The following ZNF582 variants were observed in gnomAD, a reference collection of about 807,000 sequenced individuals.
The protein encoded by ZNF582 is zinc finger protein 582.
In ZNF582, 14 loss-of-function variants were observed where a neutral mutation model predicts 12.3. The observed-to-expected ratio is 1.14, with a 90% CI of 0.75 to 1.78. The LOEUF (loss-of-function observed/expected upper bound fraction) is 1.78. Among genes scored for constraint, ZNF582 ranks in the 40% most tolerant of loss-of-function variants. The probability of loss-of-function intolerance (pLI) is 0.00; values close to 1 mark genes in which losing one functional copy is unlikely to be tolerated. For missense variants in ZNF582, 567 were observed against 616.5 expected (o/e 0.92, Z 0.85); for synonymous variants, 210 against 207.2 (o/e 1.01, Z -0.11).
exon 1 of ZNF582, chr19:56,393,433 A>G (rs776794819): frequency 1.3e-5 from 7 of 544,822 alleles, no homozygotes; most frequent in Non-Finnish European, 1.0e-5. Context: ...AAGCTCCGGA[A>G]CCTCTCACCT....
At chr19:56,383,630 A>G in exon 5 of ZNF582, 1 of 389,128 alleles carries the variant, frequency 2.6e-6, no homozygotes, top group Non-Finnish European at 4.4e-6. Flanking sequence ...TAAAATTACT[A>G]CACTGTGGTT....
At chr19:56,393,308 G>A (rs1370836683) in exon 1 of ZNF582, 1 of 1,207,330 alleles carries the variant, frequency 8.3e-7, no homozygotes, top group Non-Finnish European at 1.1e-6. Context: ...GGGAAATGTA[G>A]TCTCACGCCG....
rs1458910434 is a variant in ZNF582, at chr19:56,391,600, G to A, written c.9+144C>T. ...TAAATCTGTGGGCATTTGTCAGAGG[G>A]GAGAGGACAATGGGAGAGGAGACTC... On this transcript the variant is annotated intron_variant, in intron 2 of 4. Transcript: ENST00000586929. 8.4e-6 allele frequency: 6 copies of A among 713,806 alleles called. No individual in the cohort carries two copies. The African/African-American group carries it at 8.9e-5, about 11-fold the overall frequency. The allele number at this position is 713,806 out of a possible 1,614,324, so 44.2% of individuals were successfully genotyped here. A position where few individuals can be genotyped will look rare whatever the true frequency, so the allele number is the denominator to read the frequency against.
At chr19:56,382,813 T>C (rs1464691943) in exon 5 of ZNF582, 1 of 152,200 alleles carries the variant, frequency 6.6e-6, no homozygotes. Flanking sequence ...AGTTCCAGAA[T>C]TGGCCTAGTA....
chr19:56,384,598 A>G (rs2041948479), exon 5 of ZNF582: 1 of 1,614,032 alleles, frequency 6.2e-7, no homozygotes, highest in Non-Finnish European at 8.5e-7. Context: ...GAGTTCGCTG[A>G]TGTTCAATCA....
At chr19:56,384,872 T>C in exon 5 of ZNF582, 1 of 1,611,330 alleles carries the variant, frequency 6.2e-7, no homozygotes, top group South Asian at 1.1e-5. Flanking sequence ...GAGTTCCTTT[T>C]GCCAGAAGTC....
At chr19:56,387,679 C>A (rs1369136606) in intron 4 of ZNF582, 1 of 152,156 alleles carries the variant, frequency 6.6e-6, no homozygotes, top group Non-Finnish European at 1.5e-5. Context: ...TATACTACAA[C>A]CTCAAACTCC....
At chr19:56,383,938 G>A in exon 5 of ZNF582, 1 of 1,612,476 alleles carries the variant, frequency 6.2e-7, no homozygotes, top group Admixed American at 1.7e-5. Context: ...TGATTAGTAA[G>A]GGGTAACTGC....
chr19:56,384,647 C>T, exon 5 of ZNF582: 1 of 1,614,068 alleles, frequency 6.2e-7, no homozygotes. Flanking sequence ...ACAATCTTTA[C>T]ATTCATACGG....
chr19:56,385,631 C>T (rs932144857), intron 4 of ZNF582, among the ~76,000 whole-genome samples: 1 of 150,376 alleles, frequency 6.6e-6, no homozygotes, highest in South Asian at 2.1e-4. Flanking sequence ...GAGCTATGAT[C>T]ACGCCAATGC....
rs184731451 is a variant in ZNF582 at position 56,385,854 on chromosome 19, A to G, written c.233-670T>C. 2.0e-5 allele frequency among the ~76,000 whole-genome samples: 3 copies of G among 152,308 alleles called. No individual in the cohort carries two copies. The East Asian group carries it at 5.8e-4, about 29-fold the overall frequency. On this transcript the variant is annotated intron_variant, in intron 4 of 4. Transcript: ENST00000586929. ...AAGGGAACTTTTTGGGTTGATGGAA[A>G]TGTTCGCTATCTTGATTGAGGTGAT...
chr19:56,393,314 C>T lies in ZNF582; in HGVS notation c.-175G>A. ...AGGGCCGGCGGGAAATGTAGTCTCACGCCGGTAAAGCCACAGAGCGACGAT... is the reference window on the plus strand; with the variant it reads ...AGGGCCGGCGGGAAATGTAGTCTCATGCCGGTAAAGCCACAGAGCGACGAT... On this transcript the variant is annotated 5_prime_UTR_variant, in exon 1 of 5. The change creates a new upstream start codon in the 5' untranslated region. Transcript: ENST00000586929. 6 of 1,202,730 alleles carry T rather than the reference C, an allele frequency of 5.0e-6. No homozygotes were observed. Among genetic ancestry groups the T allele is most frequent in the Non-Finnish European group, 6.4e-6 (6 of 936,378 alleles). The allele number at this position is 1,202,730 out of a possible 1,614,324, so 74.5% of individuals were successfully genotyped here.
chr19:56,388,704 A>T (rs115511465), intron 4 of ZNF582, among the ~76,000 whole-genome samples: 2 of 151,882 alleles, frequency 1.3e-5, no homozygotes, highest in Non-Finnish European at 2.9e-5. Context: ...TCGATCTCGG[A>T]TCACTGCAAT....
At chr19:56,384,314 T>G (rs867803490) in exon 5 of ZNF582, 1 of 1,613,982 alleles carries the variant, frequency 6.2e-7, no homozygotes, top group Non-Finnish European at 8.5e-7. Context: ...TACTTTGCAC[T>G]CATAGGGTTT....
chr19:56,390,474 T>C, exon 3 of ZNF582: 1 of 1,614,130 alleles, frequency 6.2e-7, no homozygotes, highest in Non-Finnish European at 8.5e-7. Context: ...GAGAAGACTA[T>C]GGCCACATCC....
exon 5 of ZNF582, chr19:56,383,868 C>A: frequency 6.4e-7 from 1 of 1,568,340 alleles, no homozygotes; most frequent in Non-Finnish European, 8.6e-7. Flanking sequence ...TTAGCCTAGG[C>A]TAATGGGCTT....
exon 5 of ZNF582, chr19:56,384,932 T>C: frequency 2.5e-6 from 4 of 1,614,146 alleles, no homozygotes. Flanking sequence ...ATGAATTTTC[T>C]GATAAAAAGT....
At chr19:56,384,415 A>C in exon 5 of ZNF582, 1 of 1,600,262 alleles carries the variant, frequency 6.2e-7, no homozygotes, top group African/African-American at 1.3e-5. Context: ...GTTTCCTGCC[A>C]GTATGAACAG....
exon 5 of ZNF582, chr19:56,384,138 C>T (rs1306453914): frequency 6.2e-7 from 1 of 1,612,762 alleles, no homozygotes; most frequent in African/African-American, 1.3e-5. Context: ...TTCCCACATT[C>T]CTTACATTCA....
Sources: gnomAD v4.1 joint callset for allele counts (sites outside exome capture counted in the v4.1 genomes callset) on GRCh38, gnomAD v4.1.1 for gene constraint, MANE v1.5 for transcripts, NCBI Gene and HGNC (gene_info 2026-07-23, HGNC 2026-07-21) for gene names.